Variants in SH3PXD2A observed in about 807,000 individuals in gnomAD.
The protein encoded by SH3PXD2A is SH3 and PX domains 2A.
Under a neutral mutation model 115.2 loss-of-function variants are expected in SH3PXD2A, and 32 were observed. The observed-to-expected ratio is 0.28, with a 90% confidence interval of 0.21 to 0.37. The LOEUF (loss-of-function observed/expected upper bound fraction) is 0.37. Ranked by LOEUF, SH3PXD2A falls within the 10% of genes least tolerant of loss-of-function variation. The pLI is 1.00. For synonymous variants in SH3PXD2A, 610 were observed against 629.1 expected, an observed-to-expected ratio of 0.97 and a Z score of 0.45; for missense variants, 1,328 against 1,498.7, an observed-to-expected ratio of 0.89 and a Z score of 1.88.
intron 3 of SH3PXD2A, among the ~76,000 whole-genome samples, chr10:103,745,796 C>T (rs1157355000): frequency 2.6e-5 from 4 of 152,212 alleles, no homozygotes; most frequent in Admixed American, 2.6e-4. Flanking sequence ...GTGTCTCCCA[C>T]ACGGCTTCCG....
intron 5 of SH3PXD2A, among the ~76,000 whole-genome samples, chr10:103,706,004 G>GAA (rs58668048): frequency 3.5e-4 from 34 of 96,452 alleles, no homozygotes; most frequent in African/African-American, 8.9e-4. Flanking sequence ...GTCTCAAAAA[G>GAA]AAAAAAAAAA....
chr10:103,629,609 C>T (rs1331208382), intron 8 of SH3PXD2A, among the ~76,000 whole-genome samples: 1 of 152,220 alleles, frequency 6.6e-6, no homozygotes, highest in African/African-American at 2.4e-5. Context: ...CCTCTACTTG[C>T]ACCTTGGCTG....
At chr10:103,850,007 G>A (rs577081134) in intron 1 of SH3PXD2A, among the ~76,000 whole-genome samples, 3 of 152,266 alleles carry the variant, frequency 2.0e-5, no homozygotes, top group Non-Finnish European at 4.4e-5. Flanking sequence ...AAATAGTCTG[G>A]TCAGTGACTC....
chr10:103,794,624 A>G (rs2039069254), intron 2 of SH3PXD2A, among the ~76,000 whole-genome samples: 1 of 152,176 alleles, frequency 6.6e-6, no homozygotes, highest in Non-Finnish European at 1.5e-5. Flanking sequence ...CTCCCACCTC[A>G]ACTGCACCTC....
At chr10:103,840,923 C>T (rs2134316938) in intron 1 of SH3PXD2A, among the ~76,000 whole-genome samples, 1 of 152,282 alleles carries the variant, frequency 6.6e-6, no homozygotes, top group East Asian at 1.9e-4. Flanking sequence ...CATTTAGGCT[C>T]CCAGGTTAGC....
intron 6 of SH3PXD2A, among the ~76,000 whole-genome samples, chr10:103,672,914 C>T (rs1384353760): frequency 6.6e-6 from 1 of 152,156 alleles, no homozygotes; most frequent in African/African-American, 2.4e-5. Context: ...TGGCATTGCT[C>T]GCAATACCAG....
chr10:103,622,606 A>G, intron 9 of SH3PXD2A, 53 bp from the exon 10 acceptor site: 1 of 1,176,292 alleles, frequency 8.5e-7, no homozygotes, highest in Non-Finnish European at 1.2e-6. Flanking sequence ...CGGCGGAGAG[A>G]ATGGAGATGA....
At chr10:103,643,850 G>T (rs911050335) in intron 8 of SH3PXD2A, among the ~76,000 whole-genome samples, 3 of 151,786 alleles carry the variant, frequency 2.0e-5, no homozygotes, top group Non-Finnish European at 4.4e-5. Context: ...GGTGGCTCAC[G>T]CCTGTAATCC....
intron 13 of SH3PXD2A, among the ~76,000 whole-genome samples, chr10:103,607,548 C>A (rs1332550313): frequency 6.7e-6 from 1 of 148,486 alleles, no homozygotes; most frequent in Admixed American, 6.6e-5. Context: ...GCCCCCTGCC[C>A]GGCCAGCCGC....
chr10:103,853,031 C>T (rs1033544824), intron 1 of SH3PXD2A, among the ~76,000 whole-genome samples: 1 of 152,190 alleles, frequency 6.6e-6, no homozygotes, highest in African/African-American at 2.4e-5. Flanking sequence ...GTAACACTTT[C>T]TCCTCTCAGT....
At chr10:103,654,054 A>G (rs139959072) in intron 8 of SH3PXD2A, among the ~76,000 whole-genome samples, 1 of 151,906 alleles carries the variant, frequency 6.6e-6, no homozygotes, top group African/African-American at 2.4e-5. Flanking sequence ...GCCCTGCTCA[A>G]TGCCTCCAGG....
intron 3 of SH3PXD2A, among the ~76,000 whole-genome samples, chr10:103,738,700 T>C (rs1175774804): frequency 6.6e-6 from 1 of 152,010 alleles, no homozygotes; most frequent in Non-Finnish European, 1.5e-5. Flanking sequence ...GATGGGAAGA[T>C]AAATGGGGTC....
chr10:103,851,663 C>A (rs562546828), intron 1 of SH3PXD2A, among the ~76,000 whole-genome samples: 37 of 152,136 alleles, frequency 2.4e-4, no homozygotes, highest in Non-Finnish European at 4.6e-4. Context: ...AAAAACCTAC[C>A]CCACATTAGG....
intron 4 of SH3PXD2A, among the ~76,000 whole-genome samples, chr10:103,728,956 G>A (rs966650616): frequency 6.8e-6 from 1 of 147,670 alleles, no homozygotes; most frequent in Non-Finnish European, 1.5e-5. Flanking sequence ...GCAATGGCCC[G>A]ATCTGAGCTC....
intron 5 of SH3PXD2A, among the ~76,000 whole-genome samples, chr10:103,703,611 G>T (rs1210267311): frequency 2.0e-5 from 3 of 152,144 alleles, no homozygotes; most frequent in African/African-American, 7.2e-5. Flanking sequence ...CTGTCCAGTA[G>T]AATTCTCCGG....
chr10:103,634,546 G>A (rs76084192), intron 8 of SH3PXD2A, among the ~76,000 whole-genome samples: 3 of 152,172 alleles, frequency 2.0e-5, no homozygotes, highest in East Asian at 1.9e-4. Context: ...CACTGTCAGC[G>A]GATAAGGTAC....
intron 5 of SH3PXD2A, among the ~76,000 whole-genome samples, chr10:103,718,104 T>C (rs1280182920): frequency 6.6e-6 from 1 of 151,950 alleles, no homozygotes; most frequent in Non-Finnish European, 1.5e-5. Context: ...ACTCTGGGCT[T>C]AAGCAATCCT....
At chr10:103,735,522 A>C (rs950087524) in intron 4 of SH3PXD2A, among the ~76,000 whole-genome samples, 3 of 152,230 alleles carry the variant, frequency 2.0e-5, no homozygotes, top group African/African-American at 7.2e-5. Flanking sequence ...CAGGCACAGA[A>C]GCTTAGCTGT....
chr10:103,729,718 C>G (rs2038291738), intron 4 of SH3PXD2A, among the ~76,000 whole-genome samples: 1 of 152,188 alleles, frequency 6.6e-6, no homozygotes, highest in South Asian at 2.1e-4. Flanking sequence ...AAATGGCATG[C>G]AGGAAGGGGC....
Sources: gnomAD v4.1 joint callset for allele counts (sites outside exome capture counted in the v4.1 genomes callset) on GRCh38, gnomAD v4.1.1 for gene constraint, MANE v1.5 for transcripts, NCBI Gene and HGNC (gene_info 2026-07-23, HGNC 2026-07-21) for gene names.